The following UCK1 variants were observed in gnomAD, a reference collection of about 807,000 sequenced individuals.
UCK1 encodes the protein cytidine monophosphokinase 1.
UCK1 carries 20 observed loss-of-function variants against 34.0 expected under a neutral mutation model. The observed-to-expected ratio is 0.59, with a 90% confidence interval of 0.41 to 0.86. The LOEUF (loss-of-function observed/expected upper bound fraction) is 0.86, where lower values mean the gene tolerates loss of function less well. Ranked by LOEUF, UCK1 falls within the 40% of genes least tolerant of loss-of-function variation. UCK1 has a pLI of 0.00. For missense variants in UCK1, 343 were observed against 383.6 expected, an observed-to-expected ratio of 0.89 and a Z score of 0.88; for synonymous variants, 168 against 155.9, an observed-to-expected ratio of 1.08 and a Z score of -0.58.
At chr9:131,528,345 G>A (rs1950688964) in intron 5 of UCK1, among the ~76,000 whole-genome samples, 2 of 152,176 alleles carry the variant, frequency 1.3e-5, no homozygotes, top group African/African-American at 4.8e-5. Context: ...AACACAAGAT[G>A]GAGAAATGGA....
At chr9:131,528,194 A>G (rs996919520) in intron 5 of UCK1, among the ~76,000 whole-genome samples, 1 of 150,672 alleles carries the variant, frequency 6.6e-6, no homozygotes, top group African/African-American at 2.4e-5. Flanking sequence ...AAAGCAGCAG[A>G]TAGAACTTAC....
rs1174129493 is a variant in UCK1, at chr9:131,524,372, T to C, written c.*668A>G. The C allele has an allele frequency of 3.9e-5, 6 of 152,310 alleles. No individual in the cohort carries two copies. Among genetic ancestry groups the C allele is most frequent in the Admixed American group, 1.3e-4 (2 of 15,278 alleles). 9.4% of individuals were successfully genotyped at this position (152,310 alleles called of 1,614,324 possible). On this transcript the variant is annotated 3_prime_UTR_variant, in exon 7 of 7. Coordinates refer to ENST00000372215, the MANE Select transcript of UCK1 (RefSeq NM_031432.5). ...CCCCGCACAAGCCTGGGTGTGATGC[T>C]GGGTGCTTCCAGGGCATCCGCCTCG...
Position 131,531,073 on chromosome 9 carries a change from G to A in UCK1, c.102C>T (p.Ser34=), listed in dbSNP as rs1056739016. 1.4e-6 allele frequency: 2 copies of A among 1,403,964 alleles called. No individual in the cohort carries two copies. Among genetic ancestry groups the A allele is most frequent in the African/African-American group, 1.5e-5 (1 of 66,118 alleles). 87.0% of individuals were successfully genotyped at this position (1,403,964 alleles called of 1,614,324 possible). A position where few individuals can be genotyped will look rare whatever the true frequency, so the allele number is the denominator to read the frequency against. ...GGCCCGCTCGGCCCCTTACCTTCCCGCTGGCAGTGCCGCCGCTCACCCCTA... is the reference window on the plus strand; with the variant it reads ...GGCCCGCTCGGCCCCTTACCTTCCCACTGGCAGTGCCGCCGCTCACCCCTA... ...FLIGVSGGTA[S]GKSTVCEKIM... The change falls in exon 1 of 7, where the codon AGC becomes AGT. Residue 34 remains serine, a synonymous_variant. Coordinates refer to ENST00000372215, the MANE Select transcript of UCK1 (RefSeq NM_031432.5).
At chr9:131,530,449 G>T (rs562441530) in intron 2 of UCK1, 37 bp downstream of exon 2, 1 of 1,609,792 alleles carries the variant, frequency 6.2e-7, no homozygotes, top group Non-Finnish European at 8.5e-7. Context: ...CCCAGAATGG[G>T]GTCTGCCCTC....
chr9:131,525,962 C>A lies in UCK1; in HGVS notation c.619G>T (p.Asp207Tyr). ...EFCLPTKKYA[D>Y]VIIPRGVDNM... ...TCCACTCCTCGCGGGATGATCACAT[C>A]GGCATACTTCTTTGTCTGTAAGGCA... The change falls in exon 6 of 7, where the codon GAT becomes TAT. Residue 207 changes from aspartate to tyrosine, a missense_variant. Physicochemically the swap from Asp to Tyr is radical, Grantham distance 160. Coordinates refer to ENST00000372215, the MANE Select transcript of UCK1 (RefSeq NM_031432.5). The A allele has an allele frequency of 6.2e-7, 1 of 1,614,062 alleles. No homozygotes were observed. Among genetic ancestry groups the A allele is most frequent in the Non-Finnish European group, 8.5e-7 (1 of 1,179,998 alleles).
At chr9:131,528,437 T>A in intron 5 of UCK1, among the ~76,000 whole-genome samples, 1 of 152,286 alleles carries the variant, frequency 6.6e-6, no homozygotes, top group Non-Finnish European at 1.5e-5. Context: ...CACTCCAAGA[T>A]TTCAGAGCAC....
At position 131,525,239 on chromosome 9, in the gene UCK1, C is replaced by T; in HGVS notation, c.653-18G>A. On this transcript the variant is annotated intron_variant, in intron 6 of 6. Coordinates refer to ENST00000372215, the MANE Select transcript of UCK1 (RefSeq NM_031432.5). ...GATGGCAACTGCGCCAAGAGACAGACAAGCAGCGGGTTAGCCGCATCCATC... is the reference window on the plus strand; with the variant it reads ...GATGGCAACTGCGCCAAGAGACAGATAAGCAGCGGGTTAGCCGCATCCATC... The T allele has an allele frequency of 6.2e-7, 1 of 1,612,928 alleles. No individual in the cohort carries two copies. Among genetic ancestry groups the T allele is most frequent in the Non-Finnish European group, 8.5e-7 (1 of 1,179,916 alleles).
intron 5 of UCK1, among the ~76,000 whole-genome samples, chr9:131,527,453 G>A (rs894693653): frequency 5.9e-5 from 9 of 152,124 alleles, no homozygotes; most frequent in African/African-American, 9.7e-5. Flanking sequence ...GTTTTACTGC[G>A]AATCACCTAC....
intron 5 of UCK1, 79 bp downstream of exon 5, chr9:131,528,865 C>G: frequency 6.5e-7 from 1 of 1,542,474 alleles, no homozygotes; most frequent in Non-Finnish European, 8.8e-7. Context: ...TCACCCAGCA[C>G]TAAGCCCTCT....
At chr9:131,526,570 C>T in intron 5 of UCK1, 2 of 1,265,378 alleles carry the variant, frequency 1.6e-6, no homozygotes, top group Non-Finnish European at 2.1e-6. Flanking sequence ...GGTCCGCAGC[C>T]AGATGGTGGG....
Position 131,530,767 on chromosome 9 carries a change from A to T in UCK1, c.109-122T>A. 1.9e-6 allele frequency: 3 copies of T among 1,565,764 alleles called. No individual in the cohort carries two copies. In the South Asian group the frequency reaches 3.4e-5, roughly 17 times the overall value. On this transcript the variant is annotated intron_variant, in intron 1 of 6. Coordinates refer to ENST00000372215, the MANE Select transcript of UCK1 (RefSeq NM_031432.5). ...GGGTATGCTCGGAAGGCGGGAGGACACCAACAGGTGTGGATGGTCTCAGCG... is the reference window on the plus strand; with the variant it reads ...GGGTATGCTCGGAAGGCGGGAGGACTCCAACAGGTGTGGATGGTCTCAGCG...
intron 5 of UCK1, 190 bp downstream of exon 5, chr9:131,528,754 G>A: frequency 1.5e-6 from 1 of 675,488 alleles, no homozygotes; most frequent in Non-Finnish European, 2.5e-6. Context: ...TAGGCAGAGG[G>A]AGGAGCAGGC....
chr9:131,526,448 C>T (rs1408733120), intron 5 of UCK1: 1 of 1,290,588 alleles, frequency 7.7e-7, no homozygotes. Context: ...AACTTACTCC[C>T]TCATCCAACC....
chr9:131,530,649 G>A lies in UCK1; in HGVS notation c.109-4C>T, dbSNP rs761977781. ...TGATCTTCTCACACACGGTCGACTG[G>A]AGACACAGAAGCGGGATTCCCGCCT... On this transcript the variant is annotated splice_region_variant and splice_polypyrimidine_tract_variant and intron_variant, in intron 1 of 6. Coordinates refer to ENST00000372215, the MANE Select transcript of UCK1 (RefSeq NM_031432.5). The A allele has an allele frequency of 3.1e-6, 5 of 1,614,226 alleles. No homozygotes were observed. Among genetic ancestry groups the A allele is most frequent in the East Asian group, 4.5e-5 (2 of 44,874 alleles).
chr9:131,526,796 T>C (rs1244099122), intron 5 of UCK1, among the ~76,000 whole-genome samples: 3 of 152,130 alleles, frequency 2.0e-5, no homozygotes, highest in African/African-American at 7.2e-5. Context: ...GTGTCTGCAG[T>C]TGGTGGGACC....
chr9:131,527,832 G>A (rs1950666554), intron 5 of UCK1, among the ~76,000 whole-genome samples: 1 of 151,908 alleles, frequency 6.6e-6, no homozygotes, highest in Non-Finnish European at 1.5e-5. Context: ...AGCTGTGATT[G>A]CACCACTGTA....
At chr9:131,526,605 G>A in intron 5 of UCK1, 1 of 985,916 alleles carries the variant, frequency 1.0e-6, no homozygotes, top group East Asian at 6.0e-5. Flanking sequence ...TTTAGGGAAG[G>A]GGAAGCAGCC....
chr9:131,525,343 C>T (rs571445858), intron 6 of UCK1, 122 bp from the exon 7 acceptor site: 167 of 1,141,896 alleles, frequency 1.5e-4, no homozygotes, highest in South Asian at 6.4e-4. Context: ...CAGCCTGCGG[C>T]GAGGGGCATC....
chr9:131,525,133 G>C lies in UCK1; in HGVS notation c.741C>G (p.Ser247Arg), dbSNP rs1950537144. The C allele has an allele frequency of 1.2e-6, 2 of 1,614,102 alleles. No individual in the cohort carries two copies. The highest frequency in any genetic ancestry group is 1.7e-6 in the Non-Finnish European group (2 of 1,180,036). ...CTGGCTCAGAAAAGGTCCGCTTGTA[G>C]CTCCGCCCATTGGACCCTCCTCGGT... ...KWHRGGSNGR[S>R]YKRTFSEPGD... Residue 247 changes from serine (S) to arginine (R), a missense_variant, in exon 7 of 7, where the codon AGC becomes AGG. Physicochemically the swap from Ser to Arg is moderately radical, Grantham distance 110. Transcript: ENST00000372215.
Sources: gnomAD v4.1 joint callset for allele counts (sites outside exome capture counted in the v4.1 genomes callset) on GRCh38, gnomAD v4.1.1 for gene constraint, MANE v1.5 for transcripts, NCBI Gene and HGNC (gene_info 2026-07-23, HGNC 2026-07-21) for gene names.